Variants in DPH6 observed in about 807,000 individuals in gnomAD.
DPH6 encodes the protein diphthine--ammonia ligase.
In DPH6, 33 loss-of-function variants were observed where a neutral mutation model predicts 38.2. That is an observed-to-expected ratio of 0.86 (90% CI 0.65 to 1.15). The LOEUF (loss-of-function observed/expected upper bound fraction) is 1.15. DPH6 is among the 50% of genes most tolerant of loss of function. The pLI, the probability that DPH6 is intolerant of heterozygous loss-of-function variation, is 0.00. For synonymous variants in DPH6, 108 were observed against 103.0 expected, an observed-to-expected ratio of 1.05 and a Z score of -0.30; for missense variants, 325 against 320.0, an observed-to-expected ratio of 1.02 and a Z score of -0.12.
the DPH6 span, among the ~76,000 whole-genome samples, chr15:35,207,099 T>C: frequency 2.8e-4 from 37 of 131,924 alleles, no homozygotes; most frequent in African/African-American, 8.7e-4. Context: ...CAGGCTAGAA[T>C]GCAGAGGTGC....
intron 4 of DPH6, among the ~76,000 whole-genome samples, chr15:35,452,650 G>A (rs898496942): frequency 3.3e-5 from 5 of 152,218 alleles, no homozygotes; most frequent in South Asian, 2.1e-4. Flanking sequence ...AGATTGTTGC[G>A]TGTAATTTTC....
the DPH6 span, among the ~76,000 whole-genome samples, chr15:35,151,145 A>T: frequency 1.3e-5 from 2 of 152,212 alleles, no homozygotes; most frequent in Non-Finnish European, 2.9e-5. Context: ...TTTGACTTTC[A>T]TAGTAACCAA....
intron 3 of DPH6, among the ~76,000 whole-genome samples, chr15:35,268,346 T>C (rs1212956583): frequency 6.6e-6 from 1 of 151,922 alleles, no homozygotes; most frequent in Non-Finnish European, 1.5e-5. Context: ...ACTGCAGTAG[T>C]GCAGATATAA....
At chr15:35,506,007 A>G (rs527835832) in intron 3 of DPH6, among the ~76,000 whole-genome samples, 9 of 152,258 alleles carry the variant, frequency 5.9e-5, no homozygotes, top group Middle Eastern at 3.4e-3. Flanking sequence ...TGACACTGCA[A>G]AGTTCACACA....
intron 3 of DPH6, among the ~76,000 whole-genome samples, chr15:35,352,765 G>C (rs1310427999): frequency 6.6e-6 from 1 of 152,188 alleles, no homozygotes; most frequent in Non-Finnish European, 1.5e-5. Context: ...CTTTAGAGCA[G>C]CATGATTTAT....
intron 3 of DPH6, among the ~76,000 whole-genome samples, chr15:35,461,422 T>C (rs2054065746): frequency 6.6e-6 from 1 of 152,158 alleles, no homozygotes; most frequent in African/African-American, 2.4e-5. Flanking sequence ...AATCTTCAAG[T>C]TCCTCCACTG....
In DPH6 at chr15:35,379,043, G is replaced by GTA. The variant is rs1163812300; in HGVS notation, c.662+2778_662+2779insTA. On this transcript the variant is annotated intron_variant, in intron 7 of 8. Coordinates refer to ENST00000256538, the MANE Select transcript of DPH6 (RefSeq NM_080650.4). Reference sequence around the variant, plus strand: ...CTGCATTCTCTCTTGGGACTTTAGAGGAGAATCTGTTCCTTGCTTTTTCTA... The same window carrying GTA: ...CTGCATTCTCTCTTGGGACTTTAGAGTAGAGAATCTGTTCCTTGCTTTTTCTA... 2.0e-5 allele frequency among the ~76,000 whole-genome samples: 3 copies of GTA among 152,310 alleles called. No homozygotes were observed. In the East Asian group the frequency reaches 5.8e-4, roughly 29 times the overall value.
chr15:35,177,600 A>AAAAATC, the DPH6 span, among the ~76,000 whole-genome samples: 124 of 134,446 alleles, frequency 9.2e-4, no homozygotes, highest in African/African-American at 3.2e-3. Flanking sequence ...AAAAAAAAAA[A>AAAAATC]ATCATCATCA....
At chr15:35,177,903 T>C in the DPH6 span, among the ~76,000 whole-genome samples, 1 of 151,874 alleles carries the variant, frequency 6.6e-6, no homozygotes, top group Non-Finnish European at 1.5e-5. Context: ...GATGATGCCA[T>C]TGCACTCCAG....
chr15:35,447,514 T>C (rs1028202977), intron 5 of DPH6, among the ~76,000 whole-genome samples: 3 of 152,032 alleles, frequency 2.0e-5, no homozygotes, highest in South Asian at 2.1e-4. Flanking sequence ...GGCTCAACGG[T>C]TGTATTATAA....
At chr15:35,452,012 AAAAC>A (rs901760560) in intron 4 of DPH6, among the ~76,000 whole-genome samples, 3 of 152,178 alleles carry the variant, frequency 2.0e-5, no homozygotes, top group African/African-American at 7.2e-5. Context: ...TCTGTCTCAA[AAAAC>A]AAACAAACAA....
chr15:35,228,851 T>C (rs1466492275), intron 3 of DPH6, among the ~76,000 whole-genome samples: 1 of 152,202 alleles, frequency 6.6e-6, no homozygotes, highest in Non-Finnish European at 1.5e-5. Flanking sequence ...TAAAAGTTTT[T>C]AGCACTTTAA....
intron 3 of DPH6, among the ~76,000 whole-genome samples, chr15:35,266,221 T>C (rs1049581107): frequency 2.0e-5 from 3 of 152,162 alleles, no homozygotes; most frequent in South Asian, 2.1e-4. Context: ...ATGCTTATCA[T>C]GTACTGTGAA....
chr15:35,176,628 C>G, the DPH6 span, among the ~76,000 whole-genome samples: 12 of 152,100 alleles, frequency 7.9e-5, no homozygotes, highest in Non-Finnish European at 1.8e-4. Context: ...TGTGCCACCA[C>G]GCCTGGCTAA....
chr15:35,192,254 T>C, the DPH6 span, among the ~76,000 whole-genome samples: 4 of 152,188 alleles, frequency 2.6e-5, no homozygotes, highest in Admixed American at 1.3e-4. Context: ...CTGAGAAACC[T>C]GTTTTCTCAG....
At chr15:35,254,914 T>C (rs1319400901) in intron 3 of DPH6, among the ~76,000 whole-genome samples, 3 of 151,972 alleles carry the variant, frequency 2.0e-5, no homozygotes, top group Admixed American at 2.0e-4. Context: ...CAAAGAACCT[T>C]CTTAAGGGTG....
intron 3 of DPH6, among the ~76,000 whole-genome samples, chr15:35,496,567 A>AAAAAAAAAAAAAAATATATATAT: frequency 3.2e-5 from 1 of 31,012 alleles, no homozygotes; most frequent in African/African-American, 1.4e-4. Flanking sequence ...AAAAAAAAAA[A>AAAAAAAAAAAAAAATATATATAT]ATATATATAT....
At chr15:35,476,124 C>T (rs1453161959) in intron 3 of DPH6, among the ~76,000 whole-genome samples, 24 of 151,712 alleles carry the variant, frequency 1.6e-4, no homozygotes, top group Admixed American at 1.6e-3. Context: ...TTGATCTATA[C>T]AAGTAAGAAA....
At chr15:35,436,494 C>CAAAA (rs375381054) in intron 5 of DPH6, among the ~76,000 whole-genome samples, 4 of 9,138 alleles carry the variant, frequency 4.4e-4, no homozygotes, top group African/African-American at 9.7e-4. Context: ...CAAAACAAAA[C>CAAAA]AAAACAAAAC....
Sources: gnomAD v4.1 joint callset for allele counts (sites outside exome capture counted in the v4.1 genomes callset) on GRCh38, gnomAD v4.1.1 for gene constraint, MANE v1.5 for transcripts, NCBI Gene and HGNC (gene_info 2026-07-23, HGNC 2026-07-21) for gene names.